The following ZFYVE28 variants were observed in gnomAD, a reference collection of about 807,000 sequenced individuals.
The protein encoded by ZFYVE28 is lateral signaling target protein 2 homolog.
Under a neutral mutation model 82.1 loss-of-function variants are expected in ZFYVE28, and 40 were observed. The ratio of observed to expected loss-of-function variants is 0.49; its 90% CI spans 0.38 to 0.63. The LOEUF (loss-of-function observed/expected upper bound fraction) is 0.63. ZFYVE28 is among the 30% of genes least tolerant of loss of function. The probability of loss-of-function intolerance (pLI) is 0.00; values close to 1 mark genes in which losing one functional copy is unlikely to be tolerated. For missense variants in ZFYVE28, 1,321 were observed against 1,242.1 expected (o/e 1.06, Z -0.96); for synonymous variants, 612 against 546.1 (o/e 1.12, Z -1.68).
intron 1 of ZFYVE28, chr4:2,364,497 C>T: frequency 1.0e-6 from 1 of 985,514 alleles, no homozygotes; most frequent in African/African-American, 1.7e-5. Flanking sequence ...CAGAGGGTGG[C>T]TGTGCCTGTT....
At chr4:2,413,166 C>G (rs940722970) in intron 1 of ZFYVE28, among the ~76,000 whole-genome samples, 33 of 152,216 alleles carry the variant, frequency 2.2e-4, no homozygotes, top group African/African-American at 7.7e-4. Context: ...AGGTCCCACA[C>G]TCCCCCAACC....
At chr4:2,383,663 A>C (rs962231053) in intron 1 of ZFYVE28, among the ~76,000 whole-genome samples, 14 of 152,184 alleles carry the variant, frequency 9.2e-5, no homozygotes, top group African/African-American at 3.4e-4. Flanking sequence ...TCACGCTTCA[A>C]GTGTCAAAGC....
At chr4:2,284,875 T>C (rs1249314043) in intron 8 of ZFYVE28, among the ~76,000 whole-genome samples, 2 of 152,176 alleles carry the variant, frequency 1.3e-5, no homozygotes, top group Non-Finnish European at 2.9e-5. Context: ...GCAGGTGCCC[T>C]GAGTCTAGTA....
rs1029663964 is a variant in ZFYVE28 at position 2,394,533 on chromosome 4, G to A, written c.39+23752C>T. ...GTTTCTCTTCACGGGGTGGTTGACC[G>A]CATGAGAAGGGTCATGAACCACAAG... On this transcript the variant is annotated intron_variant, in intron 1 of 12. Transcript: ENST00000290974. The surrounding 1 kb of genome is among the most constrained non-coding windows in gnomAD (Gnocchi z 4.0). Among the ~76,000 whole-genome samples the A allele has an allele frequency of 2.0e-5, 3 of 152,182 alleles. No homozygotes were observed. Among genetic ancestry groups the A allele is most frequent in the African/African-American group, 7.2e-5 (3 of 41,438 alleles).
chr4:2,402,540 C>A (rs1008208), intron 1 of ZFYVE28, among the ~76,000 whole-genome samples: 4 of 151,948 alleles, frequency 2.6e-5, no homozygotes, highest in Non-Finnish European at 4.4e-5. Context: ...ACAGCGCCAG[C>A]ATCACTGTTT....
Position 2,339,557 on chromosome 4 carries a change from C to T in ZFYVE28, c.417G>A (p.Arg139=), listed in dbSNP as rs370156768. The change falls in exon 4 of 13, where the codon CGG becomes CGA. Residue 139 remains arginine (R), a synonymous_variant. Coordinates refer to ENST00000290974, the MANE Select transcript of ZFYVE28 (RefSeq NM_020972.3). The surrounding 1 kb of genome is among the most constrained non-coding windows in gnomAD (Gnocchi z 5.0). ...KELTRSLEDV[R]GALRDQALRD... ...GCAGCGCCTGGTCACGGAGGGCGCCCCGCACGTCCTCCAGGCTGCGCGTCA... is the reference window on the plus strand; with the variant it reads ...GCAGCGCCTGGTCACGGAGGGCGCCTCGCACGTCCTCCAGGCTGCGCGTCA... 2 of 1,613,110 alleles carry T rather than the reference C, an allele frequency of 1.2e-6. No individual in the cohort carries two copies. Among genetic ancestry groups the T allele is most frequent in the Non-Finnish European group, 1.7e-6 (2 of 1,179,818 alleles).
Position 2,271,368 on chromosome 4 carries a change from C to G in ZFYVE28, c.2475G>C (p.Ala825=), listed in dbSNP as rs757990231. 5 of 1,612,488 alleles carry G rather than the reference C, an allele frequency of 3.1e-6. No homozygotes were observed. Among genetic ancestry groups the G allele is most frequent in the Non-Finnish European group, 3.4e-6 (4 of 1,179,906 alleles). ...VPDEACGFCT[A]CKAPFTVIRR... The stretch of plus-strand genomic sequence containing the variant: ...GGATGACGGTGAAGGGTGCTTTGCA[C>G]GCCGTGCAGAAGCCACAGGCCTCGT... The change falls in exon 12 of 13, where the codon GCG becomes GCC. Residue 825 remains alanine (A), a synonymous_variant. Coordinates refer to ENST00000290974, the MANE Select transcript of ZFYVE28 (RefSeq NM_020972.3).
At chr4:2,401,573 G>A (rs759930488) in intron 1 of ZFYVE28, among the ~76,000 whole-genome samples, 1 of 152,078 alleles carries the variant, frequency 6.6e-6, no homozygotes, top group Non-Finnish European at 1.5e-5. Context: ...CTGGCTCTGT[G>A]AGTTCTGAGC....
chr4:2,341,654 G>C lies in ZFYVE28; in HGVS notation c.181-39C>G, dbSNP rs1406922691. The C allele has an allele frequency of 1.3e-6, 2 of 1,591,056 alleles. No homozygotes were observed. The highest frequency in any genetic ancestry group is 1.7e-6 in the Non-Finnish European group (2 of 1,162,358). ...CAGGAGAAAGTGCGCCAATCGCTGT[G>C]TCCAGCTGGCGGCCGCCATGTACTG... On this transcript the variant is annotated intron_variant, in intron 2 of 12. Coordinates refer to ENST00000290974, the MANE Select transcript of ZFYVE28 (RefSeq NM_020972.3). This position sits in a 1 kb window ranked among gnomAD's most constrained non-coding sequence, Gnocchi z 4.5.
intron 8 of ZFYVE28, among the ~76,000 whole-genome samples, chr4:2,289,288 A>C (rs1051344438): frequency 6.6e-6 from 1 of 152,214 alleles, no homozygotes; most frequent in Non-Finnish European, 1.5e-5. Flanking sequence ...TCAATAATTA[A>C]ATTAAATTAA....
chr4:2,417,607 G>A lies in ZFYVE28; in HGVS notation c.39+678C>T, dbSNP rs1578449626. ...GATTCCAGAGGACGTGGGTGGGGAA[G>A]GGACAAGGATAGGGACAAGGGAGGG... On this transcript the variant is annotated intron_variant, in intron 1 of 12. Coordinates refer to ENST00000290974, the MANE Select transcript of ZFYVE28 (RefSeq NM_020972.3). This position sits in a 1 kb window ranked among gnomAD's most constrained non-coding sequence, Gnocchi z 4.8. Among the ~76,000 whole-genome samples the A allele has an allele frequency of 6.6e-6, 1 of 152,112 alleles. No individual in the cohort carries two copies. Among genetic ancestry groups the A allele is most frequent in the East Asian group, 1.9e-4 (1 of 5,182 alleles).
chr4:2,315,933 C>T (rs1404493316), intron 7 of ZFYVE28, among the ~76,000 whole-genome samples: 1 of 151,900 alleles, frequency 6.6e-6, no homozygotes, highest in Admixed American at 6.6e-5. Context: ...GTTTGTTACA[C>T]GTGTCTCTTA....
intron 7 of ZFYVE28, among the ~76,000 whole-genome samples, chr4:2,307,406 T>G (rs1448504420): frequency 2.0e-5 from 3 of 152,194 alleles, no homozygotes; most frequent in Non-Finnish European, 4.4e-5. Flanking sequence ...CATTTTTTCT[T>G]TATGATTAGT....
chr4:2,336,014 C>T (rs1424621667), intron 5 of ZFYVE28, among the ~76,000 whole-genome samples: 1 of 152,186 alleles, frequency 6.6e-6, no homozygotes, highest in Non-Finnish European at 1.5e-5. Context: ...GCAGGTGGCT[C>T]CAGCTTGACC....
At chr4:2,399,083 A>AGGTGAGATCCATGGCACAAGCGTGG (rs1297197658) in intron 1 of ZFYVE28, among the ~76,000 whole-genome samples, 2 of 117,502 alleles carry the variant, frequency 1.7e-5, no homozygotes, top group African/African-American at 3.4e-5. Flanking sequence ...CACAAGCGTG[A>AGGTGAGATCCATGGCACAAGCGTGG]AGGTGAGATC....
At chr4:2,404,875 TTTGA>T (rs1164858564) in intron 1 of ZFYVE28, among the ~76,000 whole-genome samples, 1 of 149,820 alleles carries the variant, frequency 6.7e-6, no homozygotes, top group Non-Finnish European at 1.5e-5. Context: ...TTTTTTTTTT[TTTGA>T]GAGAGGGTCT....
intron 1 of ZFYVE28, among the ~76,000 whole-genome samples, chr4:2,356,369 G>A (rs1268517331): frequency 6.6e-6 from 1 of 151,720 alleles, no homozygotes; most frequent in African/African-American, 2.4e-5. Context: ...TCTGGACCTG[G>A]GACACAGCCC....
intron 1 of ZFYVE28, among the ~76,000 whole-genome samples, chr4:2,361,703 C>T (rs1726185594): frequency 6.6e-6 from 1 of 152,158 alleles, no homozygotes; most frequent in South Asian, 2.1e-4. Context: ...GCCAAGGCGC[C>T]AGATCTCAGC....
At chr4:2,385,612 C>A (rs760913393) in intron 1 of ZFYVE28, among the ~76,000 whole-genome samples, 3 of 152,246 alleles carry the variant, frequency 2.0e-5, no homozygotes, top group Non-Finnish European at 2.9e-5. Flanking sequence ...AGAGGGCACC[C>A]ACTGCCTGCA....
Sources: allele counts gnomAD v4.1 joint callset (sites outside exome capture counted in the v4.1 genomes callset), GRCh38; gene constraint gnomAD v4.1.1; non-coding constraint Gnocchi (gnomAD v3.1); transcripts MANE v1.5; gene names NCBI Gene and HGNC (gene_info 2026-07-23, HGNC 2026-07-21).